Variants in GRIK3 observed in about 807,000 individuals in gnomAD.
GRIK3 encodes glutamate ionotropic receptor kainate type subunit 3, also known as glutamate receptor ionotropic, kainate 3.
In GRIK3, 29 loss-of-function variants were observed where a neutral mutation model predicts 102.5. The ratio of observed to expected loss-of-function variants is 0.28; its 90% CI spans 0.21 to 0.39. The LOEUF (loss-of-function observed/expected upper bound fraction) is 0.39. Among genes scored for constraint, GRIK3 ranks in the 10% least tolerant of loss-of-function variants. GRIK3 has a pLI of 1.00. For missense variants in GRIK3, 908 were observed against 1,252.4 expected, an observed-to-expected ratio of 0.73 and a Z score of 4.15; for synonymous variants, 511 against 504.9, an observed-to-expected ratio of 1.01 and a Z score of -0.16.
intron 1 of GRIK3, among the ~76,000 whole-genome samples, chr1:36,986,306 C>T (rs937026362): frequency 6.6e-5 from 10 of 152,114 alleles, no homozygotes; most frequent in African/African-American, 2.4e-4. Context: ...CACCAGTCCA[C>T]CCATACATCA....
At chr1:36,846,650 G>C (rs939896617) in intron 9 of GRIK3, among the ~76,000 whole-genome samples, 3 of 152,170 alleles carry the variant, frequency 2.0e-5, no homozygotes, top group African/African-American at 7.2e-5. Flanking sequence ...GAAGCATGGG[G>C]TTGGATTTTC....
At chr1:36,989,665 A>C (rs1642344222) in intron 1 of GRIK3, among the ~76,000 whole-genome samples, 1 of 152,106 alleles carries the variant, frequency 6.6e-6, no homozygotes, top group Admixed American at 6.5e-5. Flanking sequence ...TTCCCTGCCC[A>C]GTCTCTCCCG....
At chr1:36,829,742 AT>A (rs887290964) in intron 10 of GRIK3, among the ~76,000 whole-genome samples, 1 of 151,840 alleles carries the variant, frequency 6.6e-6, no homozygotes, top group African/African-American at 2.4e-5. Flanking sequence ...GCCCCCACCC[AT>A]TCTACCACAC....
At chr1:36,904,413 A>G (rs944805517) in intron 1 of GRIK3, among the ~76,000 whole-genome samples, 1 of 152,242 alleles carries the variant, frequency 6.6e-6, no homozygotes, top group Non-Finnish European at 1.5e-5. Flanking sequence ...AAAGTTCTGC[A>G]GTGAACATGT....
intron 2 of GRIK3, among the ~76,000 whole-genome samples, chr1:36,886,025 G>C (rs1641033102): frequency 1.3e-5 from 2 of 152,290 alleles, no homozygotes; most frequent in South Asian, 4.2e-4. Flanking sequence ...AGCCTGGGGA[G>C]CCCTGGGTCA....
intron 1 of GRIK3, among the ~76,000 whole-genome samples, chr1:36,972,846 T>C (rs1187285789): frequency 6.6e-6 from 1 of 152,154 alleles, no homozygotes; most frequent in African/African-American, 2.4e-5. Flanking sequence ...TTCTCTCTAC[T>C]AGACTAGGGG....
At chr1:37,026,924 A>C (rs755375565) in intron 1 of GRIK3, among the ~76,000 whole-genome samples, 1 of 152,112 alleles carries the variant, frequency 6.6e-6, no homozygotes, top group Non-Finnish European at 1.5e-5. Flanking sequence ...CCCATCTTAG[A>C]ATCAATGAAA....
chr1:36,971,447 C>A (rs979652654), intron 1 of GRIK3, among the ~76,000 whole-genome samples: 1 of 152,190 alleles, frequency 6.6e-6, no homozygotes, highest in African/African-American at 2.4e-5. Context: ...CAGTCTACCC[C>A]TAGACTGCCA....
At chr1:36,851,235 G>A (rs1428817949) in intron 8 of GRIK3, among the ~76,000 whole-genome samples, 1 of 152,238 alleles carries the variant, frequency 6.6e-6, no homozygotes, top group African/African-American at 2.4e-5. Context: ...AGAGCAGACA[G>A]CAGAGAGACA....
intron 9 of GRIK3, among the ~76,000 whole-genome samples, chr1:36,846,790 A>G (rs1640524332): frequency 6.6e-6 from 1 of 152,202 alleles, no homozygotes; most frequent in East Asian, 1.9e-4. Flanking sequence ...CATTCTCTGG[A>G]GCATCTGGAG....
chr1:36,841,170 G>A lies in GRIK3; in HGVS notation c.1530+566C>T, dbSNP rs144506361. On this transcript the variant is annotated intron_variant, in intron 10 of 15. Transcript: ENST00000373091. ...CCCACCCCCTCACCTGCCTGCTTGG[G>A]CTCCCAGCTGTCCTCAGTCCTCTCC... is the stretch of plus-strand genomic sequence containing the variant. 2.2e-4 allele frequency among the ~76,000 whole-genome samples: 34 copies of A among 152,136 alleles called. 1 individual carries two copies. Among genetic ancestry groups the A allele is most frequent in the African/African-American group, 7.5e-4 (31 of 41,516 alleles).
intron 1 of GRIK3, among the ~76,000 whole-genome samples, chr1:36,896,590 C>A (rs1052096053): frequency 6.6e-6 from 1 of 151,792 alleles, no homozygotes; most frequent in Non-Finnish European, 1.5e-5. Context: ...GGCTGGAAGG[C>A]AAAAATAGAA....
intron 1 of GRIK3, among the ~76,000 whole-genome samples, chr1:36,944,491 G>C (rs1445809095): frequency 6.6e-6 from 1 of 152,136 alleles, no homozygotes; most frequent in African/African-American, 2.4e-5. Flanking sequence ...GAGGGAAGAA[G>C]AAAAGAGGAG....
chr1:37,009,573 C>T (rs954034742), intron 1 of GRIK3, among the ~76,000 whole-genome samples: 9 of 152,162 alleles, frequency 5.9e-5, no homozygotes, highest in Admixed American at 2.0e-4. Flanking sequence ...GGGGCTGAAA[C>T]GGCAGTGTGT....
chr1:36,889,603 G>A (rs1195926899), intron 2 of GRIK3, among the ~76,000 whole-genome samples: 1 of 152,070 alleles, frequency 6.6e-6, no homozygotes, highest in African/African-American at 2.4e-5. Flanking sequence ...ATTTTCAGGA[G>A]CTAGGTTTCT....
intron 10 of GRIK3, among the ~76,000 whole-genome samples, chr1:36,830,102 G>T (rs1640235600): frequency 6.6e-6 from 1 of 152,180 alleles, no homozygotes; most frequent in Admixed American, 6.5e-5. Context: ...TCTTAGTTGG[G>T]ATCCCCATCA....
chr1:37,029,073 G>A (rs554967854), intron 1 of GRIK3, among the ~76,000 whole-genome samples: 141 of 151,906 alleles, frequency 9.3e-4, no homozygotes, highest in African/African-American at 3.3e-3. Context: ...AAGACACTGC[G>A]GTGGCCGTCT....
intron 1 of GRIK3, among the ~76,000 whole-genome samples, chr1:36,956,490 G>A (rs1641906715): frequency 6.6e-6 from 1 of 152,168 alleles, no homozygotes; most frequent in African/African-American, 2.4e-5. Flanking sequence ...TTCCACGCTG[G>A]TGTGTGGGCA....
intron 1 of GRIK3, among the ~76,000 whole-genome samples, chr1:36,989,899 C>A (rs956607582): frequency 1.3e-5 from 2 of 152,216 alleles, no homozygotes. Flanking sequence ...TGCTAAGCCC[C>A]TCCCAGACAT....
Sources: allele counts gnomAD v4.1 joint callset (sites outside exome capture counted in the v4.1 genomes callset), GRCh38; gene constraint gnomAD v4.1.1; transcripts MANE v1.5; gene names NCBI Gene and HGNC (gene_info 2026-07-23, HGNC 2026-07-21).